Variants in CD46 observed in about 807,000 individuals in gnomAD.
CD46 encodes the protein CD46 molecule, also known as membrane cofactor protein.
A neutral mutation model predicts 53.3 loss-of-function variants in CD46; 30 were observed. The observed-to-expected ratio is 0.56, with a 90% CI of 0.42 to 0.76. The LOEUF (loss-of-function observed/expected upper bound fraction) is 0.76. Among genes scored for constraint, CD46 ranks in the 30% least tolerant of loss-of-function variants. CD46 has a pLI of 0.00. For synonymous variants in CD46, 142 were observed against 152.0 expected (o/e 0.93, Z 0.48); for missense variants, 409 against 463.0 (o/e 0.88, Z 1.07).
At chr1:207,774,962 A>G (rs927757237) in intron 8 of CD46, among the ~76,000 whole-genome samples, 1 of 152,220 alleles carries the variant, frequency 6.6e-6, no homozygotes, top group Non-Finnish European at 1.5e-5. Context: ...CCTCGTGGAC[A>G]ATATCCTGAA....
At chr1:207,773,464 C>T (rs1338824807) in intron 8 of CD46, among the ~76,000 whole-genome samples, 1 of 152,114 alleles carries the variant, frequency 6.6e-6, no homozygotes, top group Non-Finnish European at 1.5e-5. Flanking sequence ...TCTTGTTTCT[C>T]TAGTTCTTTT....
At chr1:207,752,043 C>T (rs567332598), upstream of CD46, 1 of 744,470 alleles carries the variant, frequency 1.3e-6, no homozygotes, top group Non-Finnish European at 2.4e-6. The surrounding 1 kb of genome is among the most constrained non-coding windows in gnomAD (Gnocchi z 4.1). Context: ...CGACGCACTT[C>T]CGCCCCGGGC....
chr1:207,760,780 TCA>T (rs1248256100), intron 4 of CD46: 2 of 162,792 alleles, frequency 1.2e-5, no homozygotes, highest in Non-Finnish European at 2.7e-5. Flanking sequence ...GCAAGGTGTC[TCA>T]CATGGCAGGA....
In CD46 at chr1:207,757,604, C is replaced by T. The variant is rs999821608; in HGVS notation, c.351C>T (p.Tyr117=). Residue 117 remains tyrosine, a synonymous_variant, in exon 3 of 13, where the codon TAC becomes TAT. Transcript: ENST00000367042. The part of the protein sequence containing the change: ...NGQAVPANGT[Y]EFGYQMHFIC... ...AAGCAGTCCCTGCAAATGGGACTTA[C>T]GAGTTTGGTTATCAGATGCACTTTA... The T allele has an allele frequency of 1.7e-5, 27 of 1,611,118 alleles. No homozygotes were observed. The highest frequency in any genetic ancestry group is 1.3e-4 in the African/African-American group (10 of 74,824).
In CD46 at chr1:207,752,099, T is replaced by A; in HGVS notation, c.-114T>A. ...CTGTCCTGCAGCACTGGATGCTTTG[T>A]GAGTTGGGGATTGTTGCGTCCCATA... On this transcript the variant is annotated 5_prime_UTR_variant, in exon 1 of 13. An upstream open reading frame in the 5' UTR gains an earlier in-frame stop. Transcript: ENST00000367042. The surrounding 1 kb of genome is among the most constrained non-coding windows in gnomAD (Gnocchi z 4.1). 9.9e-7 allele frequency: 1 copy of A among 1,005,438 alleles called. No individual in the cohort carries two copies. The highest frequency in any genetic ancestry group is 1.6e-6 in the Non-Finnish European group (1 of 637,612). The allele number at this position is 1,005,438 out of a possible 1,614,324, so 62.3% of individuals were successfully genotyped here. A position where few individuals can be genotyped will look rare whatever the true frequency, so the allele number is the denominator to read the frequency against.
chr1:207,775,963 C>T (rs1255964617), intron 8 of CD46, among the ~76,000 whole-genome samples: 1 of 152,216 alleles, frequency 6.6e-6, no homozygotes, highest in Non-Finnish European at 1.5e-5. Flanking sequence ...CTATGCCCTG[C>T]CCCCAGAGGT....
At chr1:207,766,563 T>A (rs1477807311) in intron 5 of CD46, among the ~76,000 whole-genome samples, 1 of 151,926 alleles carries the variant, frequency 6.6e-6, no homozygotes. Context: ...CCAAATTAGA[T>A]CCAAAACAAC....
At chr1:207,775,029 C>T (rs184302512) in intron 8 of CD46, among the ~76,000 whole-genome samples, 3 of 152,274 alleles carry the variant, frequency 2.0e-5, no homozygotes, top group Admixed American at 6.5e-5. Context: ...ACCAATCAAA[C>T]GTAGATTTGG....
At chr1:207,781,939 CA>C (rs1658779631) in intron 8 of CD46, among the ~76,000 whole-genome samples, 1 of 144,852 alleles carries the variant, frequency 6.9e-6, no homozygotes, top group Non-Finnish European at 1.5e-5. Flanking sequence ...TTTTCTATTT[CA>C]GAAAAAAAAA....
chr1:207,787,559 TATG>T (rs1376959755), intron 11 of CD46, among the ~76,000 whole-genome samples: 2 of 152,174 alleles, frequency 1.3e-5, no homozygotes, highest in East Asian at 1.9e-4. Context: ...TTTGGGAAGG[TATG>T]ATATCTTTAG....
chr1:207,757,885 G>T (rs1390597042), intron 3 of CD46, among the ~76,000 whole-genome samples: 1 of 152,206 alleles, frequency 6.6e-6, no homozygotes, highest in African/African-American at 2.4e-5. Context: ...TAAGCATTAA[G>T]AATGTAGTAA....
chr1:207,793,803 T>C lies in CD46; in HGVS notation c.*326T>C. 1.6e-6 allele frequency: 1 copy of C among 620,552 alleles called. No individual in the cohort carries two copies. Among genetic ancestry groups the C allele is most frequent in the Non-Finnish European group, 3.0e-6 (1 of 337,506 alleles). The allele number at this position is 620,552 out of a possible 1,614,324, so 38.4% of individuals were successfully genotyped here. A position where few individuals can be genotyped will look rare whatever the true frequency, so the allele number is the denominator to read the frequency against. On this transcript the variant is annotated 3_prime_UTR_variant, in exon 13 of 13. Coordinates refer to ENST00000367042, the MANE Select transcript of CD46 (RefSeq NM_172351.3). ...TGCCTGCTTTCCCTTAAATAACACTTAGATTTATTGGACCAGTCAGCACAG... is the reference window on the plus strand; with the variant it reads ...TGCCTGCTTTCCCTTAAATAACACTCAGATTTATTGGACCAGTCAGCACAG...
chr1:207,760,056 T>G (rs1656009177), intron 4 of CD46: 2 of 232,558 alleles, frequency 8.6e-6, no homozygotes, highest in Non-Finnish European at 1.7e-5. Context: ...TTTTGTAATT[T>G]TTGAAGAGAC....
chr1:207,761,503 A>G lies in CD46; in HGVS notation c.673+57A>G, dbSNP rs1026145229. 2.1e-6 allele frequency: 3 copies of G among 1,421,900 alleles called. No individual in the cohort carries two copies. In the African/African-American group the frequency reaches 4.2e-5, roughly 20 times the overall value. 88.1% of individuals were successfully genotyped at this position (1,421,900 alleles called of 1,614,324 possible). On this transcript the variant is annotated intron_variant, in intron 5 of 12. Coordinates refer to ENST00000367042, the MANE Select transcript of CD46 (RefSeq NM_172351.3). The stretch of plus-strand genomic sequence containing the variant: ...GTAAATACTATGGAAACATTTTGTA[A>G]ATAGTTTCATCTACAGATAAACAAA...
chr1:207,760,961 T>C (rs966917157), intron 4 of CD46: 2 of 393,662 alleles, frequency 5.1e-6, no homozygotes, highest in South Asian at 2.3e-5. Context: ...ACCTCCAACA[T>C]TGTGGACTAC....
intron 12 of CD46, 43 bp from the exon 13 acceptor site, chr1:207,793,472 CTTAA>C (rs763605573): frequency 6.6e-5 from 93 of 1,418,560 alleles, no homozygotes; most frequent in Non-Finnish European, 9.2e-5. Flanking sequence ...AATTTCTGTA[CTTAA>C]TTATATTTAT....
Position 207,752,579 on chromosome 1 carries a change from TC to T in CD46, c.97+271del, listed in dbSNP as rs1343665970. 2.0e-5 allele frequency among the ~76,000 whole-genome samples: 3 copies of T among 152,190 alleles called. No individual in the cohort carries two copies. ...CCTAAAAAAAGCGTGAATCGTGTTT[TC>T]GGGATTGAGCCAGTCGGCCAGGGGA... is the stretch of plus-strand genomic sequence containing the variant. On this transcript the variant is annotated intron_variant, in intron 1 of 12. Coordinates refer to ENST00000367042, the MANE Select transcript of CD46 (RefSeq NM_172351.3). The surrounding 1 kb of genome is among the most constrained non-coding windows in gnomAD (Gnocchi z 4.1).
At chr1:207,757,697 TGC>T in intron 3 of CD46, 55 bp downstream of exon 3, 1 of 1,164,294 alleles carries the variant, frequency 8.6e-7, no homozygotes, top group Admixed American at 1.9e-5. Context: ...ATTTTTGTTT[TGC>T]TTCTCTTCTT....
intron 8 of CD46, among the ~76,000 whole-genome samples, chr1:207,775,160 C>A (rs1164599181): frequency 6.6e-6 from 1 of 152,152 alleles, no homozygotes; most frequent in Non-Finnish European, 1.5e-5. Flanking sequence ...TTTCTTTCCA[C>A]TTGATCGAAT....
Sources: gnomAD v4.1 joint callset for allele counts (sites outside exome capture counted in the v4.1 genomes callset) on GRCh38, gnomAD v4.1.1 for gene constraint, Gnocchi (gnomAD v3.1) non-coding constraint, MANE v1.5 for transcripts, NCBI Gene and HGNC (gene_info 2026-07-23, HGNC 2026-07-21) for gene names.